TMSB15B: variants seen among roughly 807,000 people sequenced by gnomAD.
TMSB15B encodes thymosin beta-15B.
chrX:103,939,849 C>T (rs2075007998), intron 1 of TMSB15B, among the ~76,000 whole-genome samples: 1 of 111,661 alleles, frequency 9.0e-6, no homozygotes, highest in African/African-American at 3.3e-5. Flanking sequence ...TTTGCGTGTT[C>T]GTCCTTTTTG....
At chrX:103,954,902 T>C (rs1650924959) in intron 1 of TMSB15B, among the ~76,000 whole-genome samples, 2 of 111,637 alleles carry the variant, frequency 1.8e-5, no homozygotes, top group Non-Finnish European at 3.8e-5. Flanking sequence ...CTGCATCCAC[T>C]AGCACTTGGC....
chrX:103,923,644 C>G (rs1556318263), intron 1 of TMSB15B, among the ~76,000 whole-genome samples: 2 of 111,692 alleles, frequency 1.8e-5, no homozygotes, highest in Non-Finnish European at 3.8e-5. Flanking sequence ...CGTGATGCCT[C>G]CAGCTTTGTT....
At chrX:103,951,072 TC>T (rs1269115845) in intron 1 of TMSB15B, among the ~76,000 whole-genome samples, 10 of 112,153 alleles carry the variant, frequency 8.9e-5, no homozygotes, top group African/African-American at 3.2e-4. Context: ...GGCCATCTTC[TC>T]CCTGTGTCTT....
At chrX:103,943,794 C>A (rs2075018385) in intron 1 of TMSB15B, among the ~76,000 whole-genome samples, 1 of 111,446 alleles carries the variant, frequency 9.0e-6, no homozygotes, top group East Asian at 2.8e-4. Flanking sequence ...CCATTGCCCC[C>A]ATTTCTTCCT....
At chrX:103,929,216 C>T (rs1187640598) in intron 1 of TMSB15B, among the ~76,000 whole-genome samples, 11 of 112,151 alleles carry the variant, frequency 9.8e-5, no homozygotes, top group African/African-American at 3.6e-4. Flanking sequence ...CAAAAAGAAA[C>T]GTTCGCCCCA....
chrX:103,940,418 C>T (rs1209246353), intron 1 of TMSB15B, among the ~76,000 whole-genome samples: 3 of 111,937 alleles, frequency 2.7e-5, no homozygotes, highest in African/African-American at 9.7e-5. Context: ...CAGTGGGCTC[C>T]GCCCAGTTAG....
intron 1 of TMSB15B, among the ~76,000 whole-genome samples, chrX:103,924,371 A>G (rs782660400): frequency 9.0e-6 from 1 of 111,447 alleles, no homozygotes; most frequent in Non-Finnish European, 1.9e-5. Flanking sequence ...CCTCTACTTA[A>G]CAAGATCCTA....
chrX:103,941,852 T>C (rs1335115456), intron 1 of TMSB15B, among the ~76,000 whole-genome samples: 1 of 112,180 alleles, frequency 8.9e-6, no homozygotes, highest in Non-Finnish European at 1.9e-5. Flanking sequence ...ATCTTATAAT[T>C]TGATTTTCCT....
At chrX:103,953,168 T>C (rs1311324625) in intron 1 of TMSB15B, among the ~76,000 whole-genome samples, 5 of 110,841 alleles carry the variant, frequency 4.5e-5, no homozygotes, top group Admixed American at 9.5e-5. Flanking sequence ...TGTGTGGTCC[T>C]GGGAACCCAT....
chrX:103,926,762 G>GC (rs1164078210), intron 1 of TMSB15B, among the ~76,000 whole-genome samples: 1 of 109,958 alleles, frequency 9.1e-6, no homozygotes, highest in Non-Finnish European at 1.9e-5. Flanking sequence ...CAACCTTCAT[G>GC]CCCCCCATCA....
At chrX:103,949,298 T>C (rs1255423241) in intron 1 of TMSB15B, among the ~76,000 whole-genome samples, 1 of 111,959 alleles carries the variant, frequency 8.9e-6, no homozygotes, top group Non-Finnish European at 1.9e-5. Context: ...AGAAATGTCA[T>C]GATTTGATTT....
At chrX:103,928,595 G>C (rs1556319363) in intron 1 of TMSB15B, 1 of 1,167,070 alleles carries the variant, frequency 8.6e-7, no homozygotes, top group African/African-American at 1.8e-5. Context: ...TATGGGCTTT[G>C]GGGGCGGCTG....
intron 1 of TMSB15B, among the ~76,000 whole-genome samples, chrX:103,950,484 A>T (rs1436325099): frequency 4.5e-5 from 5 of 110,557 alleles, no homozygotes; most frequent in African/African-American, 1.6e-4. Flanking sequence ...TTAGACAGGA[A>T]CACTGGTTCC....
At chrX:103,929,044 C>T (rs782052538) in intron 1 of TMSB15B, 333 of 1,098,957 alleles carry the variant, frequency 3.0e-4, no homozygotes, top group Non-Finnish European at 3.9e-4. Flanking sequence ...GCCATGCCAC[C>T]TTTGTTATTC....
At chrX:103,949,130 C>T (rs1295610001) in intron 1 of TMSB15B, among the ~76,000 whole-genome samples, 1 of 110,644 alleles carries the variant, frequency 9.0e-6, no homozygotes, top group Non-Finnish European at 1.9e-5. Context: ...TGAGCCCGGG[C>T]TGTTTGTAGA....
intron 1 of TMSB15B, among the ~76,000 whole-genome samples, chrX:103,953,896 G>C (rs1556328714): frequency 1.8e-5 from 2 of 111,429 alleles, no homozygotes; most frequent in African/African-American, 6.5e-5. Flanking sequence ...GAGACCCTAA[G>C]TGCCTTCTCC....
At chrX:103,945,432 G>T (rs1188011371) in intron 1 of TMSB15B, among the ~76,000 whole-genome samples, 1 of 111,675 alleles carries the variant, frequency 9.0e-6, no homozygotes, top group Non-Finnish European at 1.9e-5. Flanking sequence ...CCAAACACGA[G>T]ATGCAACCTC....
chrX:103,922,978 T>G (rs1239986020), intron 1 of TMSB15B, among the ~76,000 whole-genome samples: 1 of 112,765 alleles, frequency 8.9e-6, no homozygotes, highest in Non-Finnish European at 1.9e-5. Flanking sequence ...CATTTTTTCA[T>G]GTGTCTGTTG....
intron 1 of TMSB15B, among the ~76,000 whole-genome samples, chrX:103,926,184 T>C (rs1245503137): frequency 5.5e-5 from 6 of 109,746 alleles, no homozygotes; most frequent in African/African-American, 2.0e-4. Flanking sequence ...AAGGCCATCA[T>C]GGAATGCGGA....
Sources: allele counts gnomAD v4.1 joint callset (sites outside exome capture counted in the v4.1 genomes callset), GRCh38; gene constraint gnomAD v4.1.1; transcripts MANE v1.5; gene names NCBI Gene and HGNC (gene_info 2026-07-23, HGNC 2026-07-21).